Variants in GRIP1 observed in about 807,000 individuals in gnomAD.
GRIP1 encodes glutamate receptor-interacting protein 1.
GRIP1 carries 45 observed loss-of-function variants against 129.9 expected under a neutral mutation model. The observed-to-expected ratio is 0.35, with a 90% CI of 0.27 to 0.44. GRIP1 has a LOEUF of 0.44. GRIP1 is among the 20% of genes least tolerant of loss of function. GRIP1 has a pLI of 1.00. For missense variants in GRIP1, 1,196 were observed against 1,396.8 expected (o/e 0.86, Z 2.29); for synonymous variants, 530 against 520.8 (o/e 1.02, Z -0.24).
chr12:67,057,241 C>G (rs1451244613), intron 1 of GRIP1, among the ~76,000 whole-genome samples: 1 of 152,002 alleles, frequency 6.6e-6, no homozygotes, highest in East Asian at 1.9e-4. Context: ...AGGGTGTGCC[C>G]TGATCTGACA....
chr12:66,372,756 GA>G (rs35922443), intron 22 of GRIP1, among the ~76,000 whole-genome samples: 67,416 of 145,758 alleles, frequency 0.46, 15,209 homozygotes, highest in East Asian at 0.54. Flanking sequence ...CTCAGAACTG[GA>G]AAAAAAAAAA....
intron 4 of GRIP1, among the ~76,000 whole-genome samples, chr12:66,535,087 T>C (rs2139157290): frequency 1.3e-5 from 2 of 152,236 alleles, no homozygotes; most frequent in South Asian, 4.2e-4. Context: ...AATATTCCTC[T>C]TCCCACCTGG....
intron 1 of GRIP1, among the ~76,000 whole-genome samples, chr12:66,997,232 C>T (rs2042481084): frequency 6.6e-6 from 1 of 151,464 alleles, no homozygotes; most frequent in African/African-American, 2.4e-5. Flanking sequence ...ATACATAGAG[C>T]ATATGCGTTT....
At chr12:66,578,228 C>T (rs899741913) in intron 2 of GRIP1, among the ~76,000 whole-genome samples, 8 of 37,086 alleles carry the variant, frequency 2.2e-4, no homozygotes, top group East Asian at 1.2e-3. Flanking sequence ...ATGGCAAAAC[C>T]GCGGTTTTTT....
intron 1 of GRIP1, among the ~76,000 whole-genome samples, chr12:66,913,948 A>G (rs1232769264): frequency 6.6e-6 from 1 of 152,210 alleles, no homozygotes; most frequent in African/African-American, 2.4e-5. Context: ...CCTGGACTTG[A>G]TAATGATAAT....
At chr12:66,640,272 C>A (rs1307269036) in intron 1 of GRIP1, among the ~76,000 whole-genome samples, 1 of 152,180 alleles carries the variant, frequency 6.6e-6, no homozygotes, top group Non-Finnish European at 1.5e-5. Context: ...AGATACCAGG[C>A]CTGACTCTAT....
chr12:66,731,299 T>A (rs2036429021), intron 1 of GRIP1, among the ~76,000 whole-genome samples: 2 of 152,230 alleles, frequency 1.3e-5, no homozygotes, highest in Admixed American at 1.3e-4. Flanking sequence ...ATTAAGCTGG[T>A]ATTATAACAC....
At chr12:66,681,100 T>A (rs1432846390), upstream of GRIP1, among the ~76,000 whole-genome samples, 1 of 152,082 alleles carries the variant, frequency 6.6e-6, no homozygotes, top group Non-Finnish European at 1.5e-5. Context: ...GAGCCCAAAC[T>A]AGGGGATTGT....
intron 1 of GRIP1, among the ~76,000 whole-genome samples, chr12:66,812,464 T>C (rs779878231): frequency 1.3e-5 from 2 of 152,236 alleles, no homozygotes; most frequent in Non-Finnish European, 2.9e-5. Flanking sequence ...TGAGCATTTA[T>C]CTGGTTCATT....
chr12:66,495,088 G>C (rs1256560642), intron 7 of GRIP1, among the ~76,000 whole-genome samples: 1 of 152,078 alleles, frequency 6.6e-6, no homozygotes, highest in African/African-American at 2.4e-5. Context: ...CTTCTTCCTG[G>C]GTTAATCCCA....
intron 1 of GRIP1, among the ~76,000 whole-genome samples, chr12:66,920,401 C>G (rs2041193506): frequency 6.6e-6 from 1 of 152,164 alleles, no homozygotes. Context: ...AAAACAACCA[C>G]CTGATTATAT....
intron 1 of GRIP1, among the ~76,000 whole-genome samples, chr12:66,866,665 A>T (rs149881249): frequency 1.0e-3 from 157 of 152,292 alleles, no homozygotes; most frequent in African/African-American, 3.5e-3. Context: ...AGGTATGGAT[A>T]TGTCATTTTC....
chr12:67,044,658 A>G (rs1325910249), intron 1 of GRIP1, among the ~76,000 whole-genome samples: 1 of 152,206 alleles, frequency 6.6e-6, no homozygotes, highest in Admixed American at 6.5e-5. Flanking sequence ...TCAAGCTGAC[A>G]CCAGCTACTT....
chr12:66,362,150 T>A (rs1382376047), intron 23 of GRIP1, among the ~76,000 whole-genome samples: 3 of 141,660 alleles, frequency 2.1e-5, no homozygotes, highest in African/African-American at 7.8e-5. Flanking sequence ...ATCTTTTTTT[T>A]TTTTTTTTTT....
intron 1 of GRIP1, among the ~76,000 whole-genome samples, chr12:66,684,877 C>T (rs945463934): frequency 2.0e-5 from 3 of 151,982 alleles, no homozygotes; most frequent in Admixed American, 6.6e-5. Flanking sequence ...CAAAACGAAA[C>T]GAAACGAAAC....
rs115590148 is a variant in GRIP1 at position 66,506,029 on chromosome 12, A to G, written c.724+9590T>C. Among the ~76,000 whole-genome samples the G allele has an allele frequency of 3.5e-3, 533 of 152,330 alleles. 2 individuals are homozygous for G. The highest frequency in any genetic ancestry group is 0.012 in the African/African-American group (491 of 41,588). On this transcript the variant is annotated intron_variant, in intron 7 of 24. Coordinates refer to ENST00000359742, the MANE Select transcript of GRIP1 (RefSeq NM_001366722.1). ...TATTCTTTTCAGAATGGTTAAAATG[A>G]AAAAGACTGACAATACCAAGTGCTG...
intron 1 of GRIP1, among the ~76,000 whole-genome samples, chr12:66,888,324 G>A (rs1055994832): frequency 1.3e-5 from 2 of 151,894 alleles, no homozygotes; most frequent in Non-Finnish European, 2.9e-5. Context: ...GCCTCCCAAA[G>A]TGCTAGGATT....
At position 66,955,198 on chromosome 12, in the gene GRIP1, C is replaced by A. The variant is rs190271713; in HGVS notation, c.58+113852G>T. Reference sequence around the variant, plus strand: ...TACTGGGACTGGAGCAGTGGAATCACCTTGAGGGCTTGTTAAAACACAGAT... The same window carrying A: ...TACTGGGACTGGAGCAGTGGAATCAACTTGAGGGCTTGTTAAAACACAGAT... On this transcript the variant is annotated intron_variant, in intron 1 of 1. Transcript: ENST00000643019. Among the ~76,000 whole-genome samples the A allele has an allele frequency of 1.5e-3, 234 of 152,262 alleles. 2 individuals are homozygous for A. Among genetic ancestry groups the A allele is most frequent in the Admixed American group, 0.012 (185 of 15,300 alleles).
At chr12:66,894,832 A>G (rs1456749721) in intron 1 of GRIP1, among the ~76,000 whole-genome samples, 1 of 152,170 alleles carries the variant, frequency 6.6e-6, no homozygotes, top group Non-Finnish European at 1.5e-5. Context: ...ATTTTTTTCC[A>G]TAATCTTTGT....
Sources: allele counts gnomAD v4.1 joint callset (sites outside exome capture counted in the v4.1 genomes callset), GRCh38; gene constraint gnomAD v4.1.1; transcripts MANE v1.5; gene names NCBI Gene and HGNC (gene_info 2026-07-23, HGNC 2026-07-21).